DPY19L1: variants seen among roughly 807,000 people sequenced by gnomAD.
DPY19L1 encodes protein C-mannosyl-transferase DPY19L1.
A neutral mutation model predicts 96.9 loss-of-function variants in DPY19L1; 35 were observed. The ratio of observed to expected loss-of-function variants is 0.36; its 90% confidence interval spans 0.28 to 0.48. The LOEUF is 0.48. Among genes scored for constraint, DPY19L1 ranks in the 20% least tolerant of loss-of-function variants. The probability of loss-of-function intolerance (pLI) is 0.99; values close to 1 mark genes in which losing one functional copy is unlikely to be tolerated. For synonymous variants in DPY19L1, 205 were observed against 252.6 expected (o/e 0.81, Z 1.79); for missense variants, 521 against 777.9 (o/e 0.67, Z 3.93).
intron 21 of DPY19L1, among the ~76,000 whole-genome samples, chr7:34,932,454 A>G (rs1783773867): frequency 6.6e-6 from 1 of 152,210 alleles, no homozygotes; most frequent in Non-Finnish European, 1.5e-5. Context: ...TGCTGTACTG[A>G]CACTGAAAAA....
At chr7:34,934,253 G>A (rs775905345) in intron 21 of DPY19L1, among the ~76,000 whole-genome samples, 20 of 152,078 alleles carry the variant, frequency 1.3e-4, no homozygotes, top group East Asian at 3.9e-4. Flanking sequence ...GTGACCCACC[G>A]CGCCCGGCCA....
chr7:35,022,148 G>A (rs529413658), intron 1 of DPY19L1, among the ~76,000 whole-genome samples: 4 of 152,196 alleles, frequency 2.6e-5, no homozygotes, highest in Middle Eastern at 3.4e-3. Flanking sequence ...GTTTATCGAC[G>A]TTTTTGAGAG....
chr7:35,037,845 CG>C (rs1001820854), upstream of DPY19L1: 327 of 1,233,308 alleles, frequency 2.7e-4, no homozygotes, highest in Non-Finnish European at 3.3e-4. Flanking sequence ...GGGGCTCGGC[CG>C]GTGCGAGGAC....
At chr7:35,007,613 A>T (rs1258679947) in intron 6 of DPY19L1, among the ~76,000 whole-genome samples, 1 of 151,720 alleles carries the variant, frequency 6.6e-6, no homozygotes, top group African/African-American at 2.4e-5. Context: ...GTGTGTGTAT[A>T]TATATATTTA....
chr7:35,027,873 G>C (rs1786165645), intron 1 of DPY19L1, among the ~76,000 whole-genome samples: 1 of 151,982 alleles, frequency 6.6e-6, no homozygotes, highest in South Asian at 2.1e-4. Context: ...ATTCAGTCAT[G>C]ATCTGAAGAA....
chr7:34,947,687 G>A lies in DPY19L1; in HGVS notation c.1437C>T (p.Tyr479=). 6.2e-7 allele frequency: 1 copy of A among 1,611,648 alleles called. No individual in the cohort carries two copies. Among genetic ancestry groups the A allele is most frequent in the Non-Finnish European group, 8.5e-7 (1 of 1,178,862 alleles). Residue 479 remains tyrosine (Y), a synonymous_variant, in exon 15 of 22, where the codon TAC becomes TAT. Coordinates refer to ENST00000638088, the MANE Select transcript of DPY19L1 (RefSeq NM_001366673.1). ...CAACTGGAAGCAATAATGTCTTTGT[G>A]TATCTCAGTGGAGTCTGAAATTCAA... ...DFMEKETPLR[Y]TKTLLLPVVL... is the part of the protein sequence containing the mutation.
chr7:34,989,612 C>T (rs1290558511), intron 7 of DPY19L1, among the ~76,000 whole-genome samples: 2 of 148,910 alleles, frequency 1.3e-5, no homozygotes, highest in African/African-American at 4.9e-5. Context: ...CAAAAAAAGA[C>T]ACTGCCTCAA....
At chr7:34,986,456 A>T (rs1031664452) in intron 7 of DPY19L1, among the ~76,000 whole-genome samples, 1 of 152,064 alleles carries the variant, frequency 6.6e-6, no homozygotes, top group African/African-American at 2.4e-5. Flanking sequence ...TTTTTTAAAA[A>T]TACAAATAAA....
chr7:34,994,342 A>G (rs1156458790), intron 6 of DPY19L1, among the ~76,000 whole-genome samples: 1 of 152,192 alleles, frequency 6.6e-6, no homozygotes, highest in East Asian at 1.9e-4. Flanking sequence ...AGAATCTAAA[A>G]CAACCTAAAA....
chr7:35,022,606 G>A (rs1219635229), intron 1 of DPY19L1, among the ~76,000 whole-genome samples: 1 of 152,212 alleles, frequency 6.6e-6, no homozygotes, highest in Non-Finnish European at 1.5e-5. Context: ...CTCCCTGAGG[G>A]TAGAAACAAC....
chr7:35,020,081 T>C (rs1785957474), intron 1 of DPY19L1, among the ~76,000 whole-genome samples: 1 of 152,118 alleles, frequency 6.6e-6, no homozygotes, highest in Non-Finnish European at 1.5e-5. Context: ...TGTAGTCAGC[T>C]ATGATCACAC....
At chr7:34,937,659 C>T (rs1337498973) in intron 21 of DPY19L1, among the ~76,000 whole-genome samples, 2 of 151,974 alleles carry the variant, frequency 1.3e-5, no homozygotes, top group Admixed American at 6.6e-5. Context: ...TCAGGCCAGG[C>T]GTGGTGACTC....
intron 7 of DPY19L1, among the ~76,000 whole-genome samples, chr7:34,978,968 T>C (rs192099643): frequency 4.7e-4 from 71 of 152,226 alleles, no homozygotes; most frequent in African/African-American, 1.6e-3. Context: ...TCTGAACTTA[T>C]AATACAATTT....
chr7:34,972,349 T>A, intron 8 of DPY19L1, among the ~76,000 whole-genome samples: 1 of 152,260 alleles, frequency 6.6e-6, no homozygotes, highest in Middle Eastern at 3.4e-3. Flanking sequence ...ATGGTACAGA[T>A]GGACTAAAGG....
chr7:35,031,446 AC>A (rs765953536), intron 1 of DPY19L1, among the ~76,000 whole-genome samples: 77 of 152,198 alleles, frequency 5.1e-4, no homozygotes, highest in Non-Finnish European at 1.0e-3. Context: ...AGGTCCTTGA[AC>A]CAATCCCTCG....
intron 1 of DPY19L1, among the ~76,000 whole-genome samples, chr7:35,028,250 G>C (rs1786174357): frequency 6.6e-6 from 1 of 152,186 alleles, no homozygotes; most frequent in African/African-American, 2.4e-5. Flanking sequence ...ATTCAACGAA[G>C]AGGATGCACT....
chr7:34,958,031 A>C lies in DPY19L1; in HGVS notation c.1132T>G (p.Ser378Ala). Residue 378 changes from serine to alanine, a missense_variant, in exon 11 of 22, where the codon TCA (serine) becomes GCA (alanine). Physicochemically the swap from Ser to Ala is moderately conservative, Grantham distance 99. Transcript: ENST00000638088. The part of the protein sequence containing the change: ...ALCFVLMFGN[S>A]MLLTSYYASS... ...GCATAATAAGAAGTTAATAACATTG[A>C]GTTCCCAAACATCAAAACAAAACAA... The C allele has an allele frequency of 6.3e-7, 1 of 1,589,580 alleles. No individual in the cohort carries two copies. The highest frequency in any genetic ancestry group is 8.5e-7 in the Non-Finnish European group (1 of 1,173,250).
At chr7:34,953,107 G>A (rs183577966) in intron 13 of DPY19L1, among the ~76,000 whole-genome samples, 3 of 152,208 alleles carry the variant, frequency 2.0e-5, no homozygotes, top group Non-Finnish European at 1.5e-5. Flanking sequence ...AAAAACCTAC[G>A]CTCAGAGGCA....
At chr7:34,994,090 A>T (rs1229945000) in intron 6 of DPY19L1, among the ~76,000 whole-genome samples, 3 of 152,164 alleles carry the variant, frequency 2.0e-5, no homozygotes, top group African/African-American at 7.2e-5. Context: ...TGGACAACCA[A>T]TGTAAGAGTC....
Sources: gnomAD v4.1 joint callset for allele counts (sites outside exome capture counted in the v4.1 genomes callset) on GRCh38, gnomAD v4.1.1 for gene constraint, MANE v1.5 for transcripts, NCBI Gene and HGNC (gene_info 2026-07-23, HGNC 2026-07-21) for gene names.